The following SYK variants were observed in gnomAD, a reference collection of about 807,000 sequenced individuals.
The protein encoded by SYK is tyrosine-protein kinase SYK.
In SYK, 16 loss-of-function variants were observed where a neutral mutation model predicts 77.8. The observed-to-expected ratio is 0.21, with a 90% CI of 0.14 to 0.31. The LOEUF is 0.31. SYK is among the 10% of genes least tolerant of loss of function. The probability of loss-of-function intolerance (pLI) is 1.00; values close to 1 mark genes in which losing one functional copy is unlikely to be tolerated. For synonymous variants in SYK, 312 were observed against 308.7 expected (o/e 1.01, Z -0.11); for missense variants, 529 against 814.4 (o/e 0.65, Z 4.26).
At chr9:90,823,994 C>T (rs555640241) in intron 1 of SYK, among the ~76,000 whole-genome samples, 2 of 150,926 alleles carry the variant, frequency 1.3e-5, no homozygotes, top group South Asian at 2.1e-4. Context: ...ATTGATAAAC[C>T]TTTAACCAAG....
chr9:90,854,801 C>T (rs780695122), intron 3 of SYK, among the ~76,000 whole-genome samples: 1 of 152,056 alleles, frequency 6.6e-6, no homozygotes, highest in Non-Finnish European at 1.5e-5. Context: ...GCCCTCCTGA[C>T]CTTCCTTCCC....
chr9:90,882,630 A>G (rs1044568173), intron 11 of SYK, among the ~76,000 whole-genome samples: 49 of 152,270 alleles, frequency 3.2e-4, no homozygotes, highest in Non-Finnish European at 8.8e-5. Flanking sequence ...GCATGCTAAA[A>G]TAATTGACCT....
Position 90,895,817 on chromosome 9 carries a change from G to C in SYK, c.*217G>C, listed in dbSNP as rs1828961713. ...AGAAAAGACGGATGGCAGGATCCAAGGGGCTAGCTGGATTTGTTTGTTTTC... is the reference window on the plus strand; with the variant it reads ...AGAAAAGACGGATGGCAGGATCCAACGGGCTAGCTGGATTTGTTTGTTTTC... On this transcript the variant is annotated 3_prime_UTR_variant, in exon 14 of 14. Coordinates refer to ENST00000375754, the MANE Select transcript of SYK (RefSeq NM_003177.7). The surrounding 1 kb of genome is among the most constrained non-coding windows in gnomAD (Gnocchi z 4.4). 1.9e-6 allele frequency: 1 copy of C among 533,506 alleles called. No homozygotes were observed. Among genetic ancestry groups the C allele is most frequent in the African/African-American group, 1.9e-5 (1 of 52,930 alleles). The allele number at this position is 533,506 out of a possible 1,614,324, so 33.0% of individuals were successfully genotyped here. A position where few individuals can be genotyped will look rare whatever the true frequency, so the allele number is the denominator to read the frequency against.
Position 90,891,368 on chromosome 9 carries a change from C to T in SYK, c.1835+2741C>T, listed in dbSNP as rs540502354. Among the ~76,000 whole-genome samples, 4 of 152,000 alleles carry T rather than the reference C, an allele frequency of 2.6e-5. No individual in the cohort carries two copies. In the South Asian group the frequency reaches 6.2e-4, roughly 24 times the overall value. Reference sequence around the variant, plus strand: ...TTCACCGTGTTAGTCAGGATGGTCTCGATCTCCTGACCTCATGATCCGCCC... The same window carrying T: ...TTCACCGTGTTAGTCAGGATGGTCTTGATCTCCTGACCTCATGATCCGCCC... On this transcript the variant is annotated intron_variant, in intron 13 of 13. Transcript: ENST00000375754.
At chr9:90,866,828 C>T (rs1564106988) in intron 6 of SYK, among the ~76,000 whole-genome samples, 1 of 152,186 alleles carries the variant, frequency 6.6e-6, no homozygotes, top group Non-Finnish European at 1.5e-5. Flanking sequence ...GGTGGTTTGT[C>T]TTGAGCTTAC....
Sources: gnomAD v4.1 joint callset for allele counts (sites outside exome capture counted in the v4.1 genomes callset) on GRCh38, gnomAD v4.1.1 for gene constraint, Gnocchi (gnomAD v3.1) non-coding constraint, MANE v1.5 for transcripts, NCBI Gene and HGNC (gene_info 2026-07-23, HGNC 2026-07-21) for gene names.